Variants in PRRC2C observed in about 807,000 individuals in gnomAD.
PRRC2C encodes proline rich coiled-coil 2C.
In PRRC2C, 72 loss-of-function variants were observed where a neutral mutation model predicts 317.2. The observed-to-expected ratio is 0.23, with a 90% CI of 0.19 to 0.28. PRRC2C has a LOEUF of 0.28. Ranked by LOEUF, PRRC2C falls within the 10% of genes least tolerant of loss-of-function variation. The pLI, the probability that PRRC2C is intolerant of heterozygous loss-of-function variation, is 1.00. For missense variants in PRRC2C, 3,074 were observed against 3,459.7 expected (o/e 0.89, Z 2.80); for synonymous variants, 1,296 against 1,205.9 (o/e 1.07, Z -1.55).
rs1418127928 is a variant in PRRC2C, at chr1:171,514,602, T to G, written c.357T>G (p.Ala119=). 1 of 1,561,412 alleles carries G rather than the reference T, an allele frequency of 6.4e-7. No homozygotes were observed. The highest frequency in any genetic ancestry group is 1.4e-5 in the African/African-American group (1 of 73,294). Residue 119 remains alanine, a synonymous_variant, in exon 4 of 35, where the codon GCT becomes GCG. Transcript: ENST00000647382. ...CAGCTCCCCCAGAAGTAGCACCTGC[T>G]CCCAAATCATGGGCCAGTAACAAGC... ...GVAAPPEVAP[A]PKSWASNKQG... is the part of the protein sequence containing the mutation.
chr1:171,526,852 A>G (rs1240446583), intron 10 of PRRC2C, among the ~76,000 whole-genome samples: 1 of 101,002 alleles, frequency 9.9e-6, no homozygotes, highest in Non-Finnish European at 1.8e-5. Flanking sequence ...TCTGTCTCCC[A>G]GGCTGTAATG....
rs1651529557 is a variant in PRRC2C at position 171,591,923 on chromosome 1, C to A, written c.*76C>A. 1 of 1,511,718 alleles carries A rather than the reference C, an allele frequency of 6.6e-7. No homozygotes were observed. Among genetic ancestry groups the A allele is most frequent in the Non-Finnish European group, 8.9e-7 (1 of 1,121,234 alleles). 93.6% of individuals were successfully genotyped at this position (1,511,718 alleles called of 1,614,324 possible). A position where few individuals can be genotyped will look rare whatever the true frequency, so the allele number is the denominator to read the frequency against. ...AATTAAGTCAGATAATGCTGGCAGC[C>A]AAAGGGGCAAAATGGCCTGTGACAT... On this transcript the variant is annotated 3_prime_UTR_variant, in exon 35 of 35. Transcript: ENST00000647382.
chr1:171,492,684 A>G (rs905074114), intron 1 of PRRC2C, among the ~76,000 whole-genome samples: 1 of 152,156 alleles, frequency 6.6e-6, no homozygotes, highest in Non-Finnish European at 1.5e-5. Flanking sequence ...CCTGGACAAC[A>G]TTAAGGTGAC....
chr1:171,591,389 T>TTTA, intron 34 of PRRC2C, 198 bp from the exon 35 acceptor site: 12 of 594,940 alleles, frequency 2.0e-5, no homozygotes, highest in Non-Finnish European at 2.7e-5. Flanking sequence ...TTTTTTTTTT[T>TTTA]AAATCACATG....
chr1:171,557,926 C>A lies in PRRC2C; in HGVS notation c.5814C>A (p.Thr1938=). ...CCCCAGCCCAGACTCAGGCACAGACCCACAAACCAGTCCAGAATCCACTAC... is the reference window on the plus strand; with the variant it reads ...CCCCAGCCCAGACTCAGGCACAGACACACAAACCAGTCCAGAATCCACTAC... The part of the protein sequence containing the change: ...PPAPAQTQAQ[T]HKPVQNPLQT... The change falls in exon 19 of 35, where the codon ACC becomes ACA. Residue 1938 remains threonine (T), a synonymous_variant. Transcript: ENST00000647382. 1 of 1,582,872 alleles carries A rather than the reference C, an allele frequency of 6.3e-7. No homozygotes were observed. The highest frequency in any genetic ancestry group is 8.6e-7 in the Non-Finnish European group (1 of 1,164,950).
At chr1:171,490,395 G>A (rs1326645271) in intron 1 of PRRC2C, among the ~76,000 whole-genome samples, 1 of 152,146 alleles carries the variant, frequency 6.6e-6, no homozygotes, top group African/African-American at 2.4e-5. Flanking sequence ...GATAGGATCA[G>A]GCCACAGGTA....
At chr1:171,548,475 C>T (rs1679584878) in intron 17 of PRRC2C, among the ~76,000 whole-genome samples, 1 of 152,130 alleles carries the variant, frequency 6.6e-6, no homozygotes. Flanking sequence ...GAATTGTATA[C>T]TTATCGTTTC....
At chr1:171,530,243 CT>C (rs778215422) in intron 11 of PRRC2C, among the ~76,000 whole-genome samples, 5,051 of 63,420 alleles carry the variant, frequency 0.08, 19 homozygotes, top group East Asian at 0.13. Context: ...TGTAGCTGGG[CT>C]TTTTTTTTTT....
chr1:171,557,771 G>T lies in PRRC2C; in HGVS notation c.5659G>T (p.Ala1887Ser), dbSNP rs12025905. Residue 1887 changes from alanine to serine, a missense_variant, in exon 19 of 35, where the codon GCC becomes TCC. This residue lies in a region of PRRC2C where 640 missense variants were observed against 676.1 expected (regional missense o/e 0.95). Coordinates refer to ENST00000647382, the MANE Select transcript of PRRC2C (RefSeq NM_001387844.1). ...AGCCCCAGCAGCCTCTTCCCCAGCT[G>T]CCCCAGTCATCACAGCACCAACTAT... ...TPAPAASSPA[A>S]PVITAPTIPA... 1 of 1,550,832 alleles carries T rather than the reference G, an allele frequency of 6.4e-7. No homozygotes were observed. Among genetic ancestry groups the T allele is most frequent in the African/African-American group, 1.4e-5 (1 of 72,780 alleles).
At chr1:171,523,595 C>A in intron 9 of PRRC2C, 73 bp downstream of exon 9, 1 of 1,222,408 alleles carries the variant, frequency 8.2e-7, no homozygotes. Flanking sequence ...TGCAAAGAAG[C>A]TTTGTTAATA....
intron 25 of PRRC2C, 128 bp downstream of exon 25, chr1:171,575,256 A>C: frequency 1.1e-6 from 1 of 932,072 alleles, no homozygotes; most frequent in South Asian, 1.8e-5. Context: ...CAGCCTCCCA[A>C]AGTGCTGGGA....
In PRRC2C at chr1:171,583,947, C is replaced by G; in HGVS notation, c.7410-9C>G. The G allele has an allele frequency of 1.9e-6, 3 of 1,603,402 alleles. No individual in the cohort carries two copies. The highest frequency in any genetic ancestry group is 1.1e-5 in the South Asian group (1 of 90,724). On this transcript the variant is annotated splice_polypyrimidine_tract_variant and intron_variant, in intron 28 of 34. Coordinates refer to ENST00000647382, the MANE Select transcript of PRRC2C (RefSeq NM_001387844.1). Reference sequence around the variant, plus strand: ...TTCTAACAATATTTTCTCTTTAATCCTTATGTAGATCTCAGCCAGCTTTTA... The same window carrying G: ...TTCTAACAATATTTTCTCTTTAATCGTTATGTAGATCTCAGCCAGCTTTTA...
rs149358002 is a variant in PRRC2C, at chr1:171,518,494, A to AT, written c.750+700dup. On this transcript the variant is annotated intron_variant, in intron 6 of 34. Coordinates refer to ENST00000647382, the MANE Select transcript of PRRC2C (RefSeq NM_001387844.1). ...TCAATTTTTTTTCAATTTTTTTTCA[A>AT]TTTTTTTTTTTTTTTTTTTTGGAGA... is the stretch of plus-strand genomic sequence containing the variant. Among the ~76,000 whole-genome samples, 259 of 72,584 alleles carry AT rather than the reference A, an allele frequency of 3.6e-3. 1 individual carries two copies. Among genetic ancestry groups the AT allele is most frequent in the Admixed American group, 6.1e-3 (35 of 5,770 alleles). The allele number at this position is 72,584 out of a possible 152,430, so 47.6% of individuals were successfully genotyped here.
Position 171,492,416 on chromosome 1 carries a change from G to A in PRRC2C, c.-58+6681G>A, listed in dbSNP as rs576702490. On this transcript the variant is annotated intron_variant, in intron 1 of 34. Transcript: ENST00000647382. The stretch of plus-strand genomic sequence containing the variant: ...AGGAGAAAGAAAAAGAAGGAGTTGG[G>A]TGTTGTGGCATGTGCCTGTGGTCTT... Among the ~76,000 whole-genome samples the A allele has an allele frequency of 7.2e-5, 11 of 152,342 alleles. No individual in the cohort carries two copies. The East Asian group carries it at 1.9e-3, about 27-fold the overall frequency.
chr1:171,543,938 A>G (rs1358965013), intron 16 of PRRC2C, among the ~76,000 whole-genome samples: 1 of 152,134 alleles, frequency 6.6e-6, no homozygotes, highest in African/African-American at 2.4e-5. Flanking sequence ...GGCTTTTATA[A>G]CAGACCCGTT....
intron 20 of PRRC2C, among the ~76,000 whole-genome samples, chr1:171,565,834 C>A (rs1411964766): frequency 1.3e-5 from 2 of 152,202 alleles, no homozygotes; most frequent in African/African-American, 4.8e-5. Flanking sequence ...TCTTAAATTT[C>A]ATTTTCAAAG....
chr1:171,548,591 T>C (rs758961813), intron 17 of PRRC2C, among the ~76,000 whole-genome samples: 1 of 152,234 alleles, frequency 6.6e-6, no homozygotes, highest in African/African-American at 2.4e-5. Flanking sequence ...TTGATACTTA[T>C]TATTCAGACA....
At chr1:171,580,722 G>A (rs1226892261) in intron 28 of PRRC2C, among the ~76,000 whole-genome samples, 2 of 152,176 alleles carry the variant, frequency 1.3e-5, no homozygotes, top group Non-Finnish European at 2.9e-5. Context: ...CCAGTTTAAT[G>A]AGGGAAGAAG....
chr1:171,534,052 G>A (rs1676360797), intron 12 of PRRC2C, among the ~76,000 whole-genome samples: 1 of 152,144 alleles, frequency 6.6e-6, no homozygotes, highest in Non-Finnish European at 1.5e-5. Context: ...AGGCACTGCT[G>A]CTTAAAATAA....
Sources: allele counts gnomAD v4.1 joint callset (sites outside exome capture counted in the v4.1 genomes callset), GRCh38; gene constraint gnomAD v4.1.1; regional missense constraint gnomAD v4.1.1; transcripts MANE v1.5; gene names NCBI Gene and HGNC (gene_info 2026-07-23, HGNC 2026-07-21).